The following GAS7 variants were observed in gnomAD, a reference collection of about 807,000 sequenced individuals.
The protein encoded by GAS7 is growth arrest specific 7.
A neutral mutation model predicts 71.1 loss-of-function variants in GAS7; 28 were observed. That is an observed-to-expected ratio of 0.39 (90% CI 0.29 to 0.54). The LOEUF (loss-of-function observed/expected upper bound fraction) is 0.54, where lower values mean the gene tolerates loss of function less well. Among genes scored for constraint, GAS7 ranks in the 20% least tolerant of loss-of-function variants. The probability of loss-of-function intolerance (pLI) is 0.62; values close to 1 mark genes in which losing one functional copy is unlikely to be tolerated. For missense variants in GAS7, 436 were observed against 627.8 expected (o/e 0.69, Z 3.27); for synonymous variants, 258 against 245.8 (o/e 1.05, Z -0.46).
chr17:10,197,838 G>C (rs1162993475), intron 1 of GAS7, among the ~76,000 whole-genome samples: 1 of 152,198 alleles, frequency 6.6e-6, no homozygotes. Context: ...TCGCACCCCT[G>C]ATCCTCCGTG....
intron 1 of GAS7, among the ~76,000 whole-genome samples, chr17:10,135,220 G>A (rs995248941): frequency 6.6e-6 from 1 of 152,230 alleles, no homozygotes; most frequent in Non-Finnish European, 1.5e-5. Flanking sequence ...TCCTCAGTCA[G>A]TGCCATGGAA....
In GAS7 at chr17:9,938,873, A is replaced by G. The variant is rs1188682247; in HGVS notation, c.806+1253T>C. 1.9e-4 allele frequency among the ~76,000 whole-genome samples: 29 copies of G among 152,152 alleles called. 2 individuals carry two copies. Among genetic ancestry groups the G allele is most frequent in the Admixed American group, 1.9e-3 (29 of 15,282 alleles). ...TTTTACATAAATGGAATCATACACT[A>G]TGAGACCTTTTGTGCCTGGCTTCTG... On this transcript the variant is annotated intron_variant, in intron 8 of 13. Transcript: ENST00000432992.
rs529194269 is a variant in GAS7, at chr17:10,095,528, A to G, written c.184-75631T>C. On this transcript the variant is annotated intron_variant, in intron 1 of 13. Transcript: ENST00000432992. ...AGGTCCAGTTTGATGACAAATGTGT[A>G]AGTTTCTCAGATCTTGGCCGCAGTG... Among the ~76,000 whole-genome samples, 5 of 152,264 alleles carry G rather than the reference A, an allele frequency of 3.3e-5. No individual in the cohort carries two copies. The East Asian group carries it at 9.7e-4, about 29-fold the overall frequency.
At chr17:10,178,097 G>A (rs1253054908) in intron 1 of GAS7, among the ~76,000 whole-genome samples, 1 of 152,194 alleles carries the variant, frequency 6.6e-6, no homozygotes, top group Non-Finnish European at 1.5e-5. Flanking sequence ...TCCAGAGCCT[G>A]AGTCACAGTC....
chr17:9,997,549 G>A (rs2071095893), intron 2 of GAS7, among the ~76,000 whole-genome samples: 2 of 152,102 alleles, frequency 1.3e-5, no homozygotes, highest in African/African-American at 4.8e-5. Flanking sequence ...CGCCATACTA[G>A]CCAGCAAGTC....
intron 2 of GAS7, among the ~76,000 whole-genome samples, chr17:9,983,908 T>G (rs1245204199): frequency 2.6e-5 from 4 of 152,220 alleles, no homozygotes; most frequent in African/African-American, 7.2e-5. Context: ...CCAGACTGCC[T>G]GGGTTGGAAT....
intron 1 of GAS7, among the ~76,000 whole-genome samples, chr17:10,191,961 C>G (rs2074505642): frequency 6.6e-6 from 1 of 151,422 alleles, no homozygotes; most frequent in African/African-American, 2.4e-5. Context: ...ATCTGAAAAC[C>G]AGCTCCAAGC....
chr17:10,028,650 A>G (rs1416369037), intron 1 of GAS7, among the ~76,000 whole-genome samples: 3 of 152,098 alleles, frequency 2.0e-5, no homozygotes, highest in Non-Finnish European at 4.4e-5. Flanking sequence ...ACAAAAACTC[A>G]TAAGAAGAGA....
intron 3 of GAS7, among the ~76,000 whole-genome samples, chr17:9,970,299 C>A (rs1242827653): frequency 6.6e-6 from 1 of 152,100 alleles, no homozygotes; most frequent in Non-Finnish European, 1.5e-5. Flanking sequence ...TGATCATATG[C>A]ACTTCATTCT....
At chr17:10,008,827 T>C (rs890393001) in intron 2 of GAS7, among the ~76,000 whole-genome samples, 1 of 152,080 alleles carries the variant, frequency 6.6e-6, no homozygotes, top group African/African-American at 2.4e-5. Flanking sequence ...AACCCTAATT[T>C]AATCAACCAA....
chr17:9,959,369 G>C lies in GAS7; in HGVS notation c.472-114C>G, dbSNP rs2069386589. ...CTGGGGAATCAGGGATGCTCAGTCT[G>C]AATCCTAAGTCACCATATTCTGGGC... On this transcript the variant is annotated intron_variant, in intron 4 of 13. Coordinates refer to ENST00000432992, the MANE Select transcript of GAS7 (RefSeq NM_201433.2). This position sits in a 1 kb window ranked among gnomAD's most constrained non-coding sequence, Gnocchi z 5.0. 7 of 1,551,238 alleles carry C rather than the reference G, an allele frequency of 4.5e-6. No individual in the cohort carries two copies. The East Asian group carries it at 7.0e-5, about 16-fold the overall frequency.
At chr17:10,022,424 A>G (rs1209967213) in intron 1 of GAS7, among the ~76,000 whole-genome samples, 1 of 152,156 alleles carries the variant, frequency 6.6e-6, no homozygotes, top group Admixed American at 6.5e-5. Flanking sequence ...ACTTGGGAGG[A>G]AATAGGAAGG....
chr17:10,008,074 T>C (rs1478616872), intron 2 of GAS7, among the ~76,000 whole-genome samples: 2 of 152,218 alleles, frequency 1.3e-5, no homozygotes, highest in African/African-American at 4.8e-5. Context: ...TCATTCCTTT[T>C]TATGGCTGAA....
In GAS7 at chr17:9,919,146, G is replaced by GC. The variant is rs2152066652; in HGVS notation, c.1218+479dup. On this transcript the variant is annotated intron_variant, in intron 12 of 13. Coordinates refer to ENST00000432992, the MANE Select transcript of GAS7 (RefSeq NM_201433.2). The surrounding 1 kb of genome is among the most constrained non-coding windows in gnomAD (Gnocchi z 5.0). ...CAAGAAATACTCAAGAGCATCATCG[G>GC]CCCTGCCGCCTGTTGTTCACCCTTG... Among the ~76,000 whole-genome samples the GC allele has an allele frequency of 6.7e-6, 1 of 150,058 alleles. No individual in the cohort carries two copies. The highest frequency in any genetic ancestry group is 2.2e-4 in the South Asian group (1 of 4,644).
chr17:9,952,214 T>C (rs1034705664), intron 5 of GAS7, among the ~76,000 whole-genome samples: 3 of 152,120 alleles, frequency 2.0e-5, no homozygotes, highest in African/African-American at 7.2e-5. Flanking sequence ...CAAGTGATGC[T>C]GAAGGTCCAG....
chr17:9,947,487 G>A (rs928229897), intron 5 of GAS7, among the ~76,000 whole-genome samples: 1 of 152,204 alleles, frequency 6.6e-6, no homozygotes, highest in Admixed American at 6.5e-5. Context: ...GCTCACGCCT[G>A]TAATCCCAGC....
chr17:10,075,655 T>C (rs1247902824), intron 1 of GAS7, among the ~76,000 whole-genome samples: 1 of 150,876 alleles, frequency 6.6e-6, no homozygotes, highest in East Asian at 2.0e-4. Context: ...ATTAGATGAG[T>C]GTGGTGGCAC....
chr17:10,136,156 T>C (rs2074036531), intron 1 of GAS7, among the ~76,000 whole-genome samples: 1 of 152,170 alleles, frequency 6.6e-6, no homozygotes, highest in Non-Finnish European at 1.5e-5. Context: ...TAATGCAAAC[T>C]GTAACTGTGT....
intron 1 of GAS7, among the ~76,000 whole-genome samples, chr17:10,063,962 A>G (rs747154322): frequency 1.4e-4 from 21 of 152,180 alleles, no homozygotes; most frequent in Non-Finnish European, 2.6e-4. Flanking sequence ...CCATTGCCAA[A>G]GAGAGCACCA....
Sources: gnomAD v4.1 joint callset for allele counts (sites outside exome capture counted in the v4.1 genomes callset) on GRCh38, gnomAD v4.1.1 for gene constraint, Gnocchi (gnomAD v3.1) non-coding constraint, MANE v1.5 for transcripts, NCBI Gene and HGNC (gene_info 2026-07-23, HGNC 2026-07-21) for gene names.